The following ABCB5 variants were observed in gnomAD, a reference collection of about 807,000 sequenced individuals.
ABCB5 encodes the protein ATP binding cassette subfamily B member 5, also known as ATP-binding cassette sub-family B member 5.
In ABCB5, 155 loss-of-function variants were observed where a neutral mutation model predicts 144.2. The ratio of observed to expected loss-of-function variants is 1.08; its 90% CI spans 0.94 to 1.23. ABCB5 has a LOEUF of 1.23. Ranked by LOEUF, ABCB5 falls within the 50% of genes most tolerant of loss-of-function variation. ABCB5 has a pLI of 0.00. For missense variants in ABCB5, 1,830 were observed against 1,520.8 expected, an observed-to-expected ratio of 1.20 and a Z score of -3.38; for synonymous variants, 610 against 528.6, an observed-to-expected ratio of 1.15 and a Z score of -2.11.
intron 26 of ABCB5, 32 bp from the exon 27 acceptor site, chr7:20,753,328 C>T (rs371963364): frequency 4.8e-5 from 75 of 1,578,194 alleles, no homozygotes; most frequent in African/African-American, 8.1e-5. Flanking sequence ...ATAACCAAGA[C>T]TTGCTTTCTT....
chr7:20,728,370 T>A lies in ABCB5; in HGVS notation c.2782T>A (p.Phe928Ile). 6.2e-7 allele frequency: 1 copy of A among 1,614,206 alleles called. No individual in the cohort carries two copies. The highest frequency in any genetic ancestry group is 8.5e-7 in the Non-Finnish European group (1 of 1,180,026). ...AAGCTGTTATGCATTCAGCCATGCC[T>A]TTATATATTTTGCCTATGCGGCAGG... ...IGSCYAFSHA[F>I]IYFAYAAGFR... The change falls in exon 23 of 28, where the codon TTT (phenylalanine) becomes ATT (isoleucine). Residue 928 changes from phenylalanine (F) to isoleucine (I), a missense_variant. Coordinates refer to ENST00000404938, the MANE Select transcript of ABCB5 (RefSeq NM_001163941.2).
intron 23 of ABCB5, among the ~76,000 whole-genome samples, chr7:20,736,157 G>C (rs543483983): frequency 2.0e-5 from 3 of 152,186 alleles, no homozygotes; most frequent in Non-Finnish European, 2.9e-5. Context: ...GTTGTGATTT[G>C]ACCTGCCGTG....
chr7:20,714,061 C>T (rs957815766), intron 20 of ABCB5, among the ~76,000 whole-genome samples: 5 of 152,118 alleles, frequency 3.3e-5, no homozygotes, highest in Non-Finnish European at 5.9e-5. Context: ...CACCTCTGCC[C>T]GTGGTTGCCT....
intron 16 of ABCB5, among the ~76,000 whole-genome samples, chr7:20,689,617 A>G (rs1786140227): frequency 6.6e-6 from 1 of 152,142 alleles, no homozygotes; most frequent in East Asian, 1.9e-4. Flanking sequence ...CACACAGAAG[A>G]GAAAGCTGCA....
intron 10 of ABCB5, 62 bp downstream of exon 10, chr7:20,647,710 A>G: frequency 6.5e-7 from 1 of 1,528,200 alleles, no homozygotes; most frequent in Non-Finnish European, 8.8e-7. Context: ...ACAAAAAAAC[A>G]TACACCCTCA....
At chr7:20,646,616 G>C (rs894539100) in intron 9 of ABCB5, among the ~76,000 whole-genome samples, 2 of 152,204 alleles carry the variant, frequency 1.3e-5, no homozygotes, top group Non-Finnish European at 1.5e-5. Flanking sequence ...GCTCTGTCCA[G>C]TATCACAGTT....
intron 20 of ABCB5, among the ~76,000 whole-genome samples, chr7:20,717,719 G>C (rs1009578670): frequency 6.6e-6 from 1 of 151,130 alleles, no homozygotes; most frequent in African/African-American, 2.4e-5. Context: ...TTACAGGCGC[G>C]AGCCACCGCA....
intron 16 of ABCB5, among the ~76,000 whole-genome samples, chr7:20,690,735 A>T (rs1281633061): frequency 3.3e-5 from 5 of 152,180 alleles, no homozygotes; most frequent in Non-Finnish European, 7.3e-5. Flanking sequence ...GGGGAATGAG[A>T]GTCAGGACCC....
chr7:20,649,442 A>C (rs6955287), intron 11 of ABCB5, among the ~76,000 whole-genome samples: 55,240 of 151,926 alleles, frequency 0.36, 10,899 homozygotes, highest in African/African-American at 0.52. Flanking sequence ...TGAGGCTTCA[A>C]TCACATTGCA....
At chr7:20,667,663 TCGCCTCTGCCCCTGCCCCTGCCCC>T (rs1785243424) in intron 14 of ABCB5, 2 of 628,902 alleles carry the variant, frequency 3.2e-6, no homozygotes, top group South Asian at 7.7e-5. Context: ...AAAATAACAT[TCGCCTCTGCCCCTGCCCCTGCCCC>T]TGCCCCTGCC....
intron 19 of ABCB5, among the ~76,000 whole-genome samples, chr7:20,703,960 C>A (rs984486118): frequency 6.6e-6 from 1 of 151,540 alleles, no homozygotes; most frequent in Non-Finnish European, 1.5e-5. Context: ...TGTGAAGCAT[C>A]AGGGAAAATC....
chr7:20,648,900 G>A (rs901152566), intron 11 of ABCB5, among the ~76,000 whole-genome samples: 2 of 152,018 alleles, frequency 1.3e-5, no homozygotes, highest in Non-Finnish European at 2.9e-5. Context: ...TATTGGTATA[G>A]TATTGACTTC....
chr7:20,638,813 C>T (rs1784220434), intron 5 of ABCB5, among the ~76,000 whole-genome samples: 1 of 152,158 alleles, frequency 6.6e-6, no homozygotes, highest in Non-Finnish European at 1.5e-5. Flanking sequence ...AATAATGCTT[C>T]TGTGAACACT....
intron 1 of ABCB5, among the ~76,000 whole-genome samples, chr7:20,619,710 C>T (rs1055030079): frequency 6.6e-6 from 1 of 152,154 alleles, no homozygotes; most frequent in Non-Finnish European, 1.5e-5. Context: ...ATTTTTGCTT[C>T]TGTCACAATT....
intron 1 of ABCB5, among the ~76,000 whole-genome samples, chr7:20,618,516 A>G (rs1005765220): frequency 1.3e-5 from 2 of 152,100 alleles, no homozygotes; most frequent in African/African-American, 4.8e-5. Context: ...TCGCCCAGGT[A>G]GTGAGCATAG....
rs1254010431 is a variant in ABCB5, at chr7:20,723,125, T to G, written c.2531T>G (p.Ile844Ser). ...GAGATGACATTCCTGATTCTGAGTA[T>G]TGCTCCAGTACTTGCCGTGACAGGA... ...GWEMTFLILS[I>S]APVLAVTGMI... Residue 844 changes from isoleucine to serine, a missense_variant, in exon 21 of 28, where the codon ATT becomes AGT. Transcript: ENST00000404938. 2.5e-6 allele frequency: 4 copies of G among 1,614,030 alleles called. No individual in the cohort carries two copies. Among genetic ancestry groups the G allele is most frequent in the Admixed American group, 3.3e-5 (2 of 60,002 alleles).
chr7:20,627,294 A>G (rs906040182), intron 3 of ABCB5, among the ~76,000 whole-genome samples: 3 of 152,226 alleles, frequency 2.0e-5, no homozygotes, highest in African/African-American at 7.2e-5. Flanking sequence ...TATCAAGGAG[A>G]TAACATTATT....
At chr7:20,750,494 T>C (rs192247828) in intron 26 of ABCB5, among the ~76,000 whole-genome samples, 7 of 152,176 alleles carry the variant, frequency 4.6e-5, no homozygotes, top group African/African-American at 1.2e-4. Context: ...TGTGAGGATA[T>C]AATATAGTCC....
chr7:20,628,689 T>C lies in ABCB5; in HGVS notation c.110T>C (p.Phe37Ser), dbSNP rs369957675. ...RKEAVGSIEI[F>S]RFADGLDITL... ...GCTACCGTGCTTTGTTTTCCTCAGT[T>C]CCGCTTTGCTGATGGACTGGACATC... The change falls in exon 4 of 28, where the codon TTC (phenylalanine) becomes TCC (serine). Residue 37 changes from phenylalanine (F) to serine (S), a missense_variant and splice_region_variant. Phe to Ser is a radical substitution (Grantham distance 155). Transcript: ENST00000404938. 4 of 1,612,088 alleles carry C rather than the reference T, an allele frequency of 2.5e-6. No individual in the cohort carries two copies. In the African/African-American group the frequency reaches 4.0e-5, roughly 16 times the overall value.
Sources: gnomAD v4.1 joint callset for allele counts (sites outside exome capture counted in the v4.1 genomes callset) on GRCh38, gnomAD v4.1.1 for gene constraint, MANE v1.5 for transcripts, NCBI Gene and HGNC (gene_info 2026-07-23, HGNC 2026-07-21) for gene names.